The following ADNP2 variants were observed in gnomAD, a reference collection of about 807,000 sequenced individuals.
ADNP2 encodes activity-dependent neuroprotector homeobox protein 2.
In ADNP2, 8 loss-of-function variants were observed where a neutral mutation model predicts 16.4. The observed-to-expected ratio is 0.49, with a 90% CI of 0.29 to 0.88. The LOEUF (loss-of-function observed/expected upper bound fraction) is 0.88. Ranked by LOEUF, ADNP2 falls within the 40% of genes least tolerant of loss-of-function variation. The pLI, the probability that ADNP2 is intolerant of heterozygous loss-of-function variation, is 0.09. For missense variants in ADNP2, 1,397 were observed against 1,395.1 expected, an observed-to-expected ratio of 1.00 and a Z score of -0.02; for synonymous variants, 637 against 545.8, an observed-to-expected ratio of 1.17 and a Z score of -2.33.
intron 1 of ADNP2, among the ~76,000 whole-genome samples, chr18:80,117,280 C>T (rs747107836): frequency 5.3e-5 from 8 of 151,954 alleles, no homozygotes; most frequent in Non-Finnish European, 1.0e-4. Context: ...TTTATGCTTA[C>T]GTTTTCTTAT....
At position 80,137,709 on chromosome 18, in the gene ADNP2, C is replaced by A. The variant is rs1412336768; in HGVS notation, c.2296C>A (p.Leu766Met). 1 of 1,614,202 alleles carries A rather than the reference C, an allele frequency of 6.2e-7. No individual in the cohort carries two copies. Among genetic ancestry groups the A allele is most frequent in the Non-Finnish European group, 8.5e-7 (1 of 1,180,036 alleles). Residue 766 changes from leucine to methionine, a missense_variant, in exon 4 of 4, where the codon CTG becomes ATG. Physicochemically the swap from Leu to Met is conservative, Grantham distance 15. Transcript: ENST00000262198. The surrounding 1 kb of genome is among the most constrained non-coding windows in gnomAD (Gnocchi z 4.2). ...TGAGGAAGAGCTTATACACCACTTG[C>A]TGATGCATGGCTTGGGGTGCTTGTT... The part of the protein sequence containing the change: ...VSEEELIHHL[L>M]MHGLGCLFCP...
At chr18:80,133,359 C>G (rs1369961514) in intron 3 of ADNP2, among the ~76,000 whole-genome samples, 167 bp downstream of exon 3, 1 of 152,162 alleles carries the variant, frequency 6.6e-6, no homozygotes, top group African/African-American at 2.4e-5. Flanking sequence ...AGTGTGTGGT[C>G]AGGCAGGGTT....
intron 1 of ADNP2, among the ~76,000 whole-genome samples, chr18:80,112,486 G>A (rs750581039): frequency 6.6e-6 from 1 of 151,868 alleles, no homozygotes; most frequent in Non-Finnish European, 1.5e-5. Flanking sequence ...AAATGAAAAG[G>A]TATTTGTGTG....
chr18:80,127,030 G>A (rs2052463657), intron 2 of ADNP2, among the ~76,000 whole-genome samples: 1 of 152,210 alleles, frequency 6.6e-6, no homozygotes, highest in African/African-American at 2.4e-5. Context: ...CAGGATGTAA[G>A]ATACTTTGAG....
At position 80,136,125 on chromosome 18, in the gene ADNP2, G is replaced by C; in HGVS notation, c.712G>C (p.Asp238His). ...GTTAATGTATCACATTTTGACATCA[G>C]ACATACACAGAGATTTGGAGAATAA... ...DALMYHILTS[D>H]IHRDLENKLR... is the part of the protein sequence containing the mutation. Residue 238 changes from aspartate to histidine, a missense_variant, in exon 4 of 4, where the codon GAC becomes CAC. This residue lies in a region of ADNP2 where 777 missense variants were observed against 719.4 expected (regional missense o/e 1.08). Transcript: ENST00000262198. 1 of 1,614,202 alleles carries C rather than the reference G, an allele frequency of 6.2e-7. No homozygotes were observed. Among genetic ancestry groups the C allele is most frequent in the Middle Eastern group, 1.6e-4 (1 of 6,062 alleles).
chr18:80,136,999 C>T lies in ADNP2; in HGVS notation c.1586C>T (p.Ser529Leu), dbSNP rs1440401355. Residue 529 changes from serine to leucine, a missense_variant, in exon 4 of 4, where the codon TCA (serine) becomes TTA (leucine). Ser to Leu is a moderately radical substitution (Grantham distance 145, BLOSUM62 -2). Transcript: ENST00000262198. ...LLSPNQTVSSSAVVPVNQGVN... is the reference protein window; with the variant it reads ...LLSPNQTVSSLAVVPVNQGVN... Reference sequence around the variant, plus strand: ...TCTCCCAACCAGACAGTCTCCTCCTCAGCTGTTGTGCCTGTAAACCAGGGT... The same window carrying T: ...TCTCCCAACCAGACAGTCTCCTCCTTAGCTGTTGTGCCTGTAAACCAGGGT... 1 of 1,614,178 alleles carries T rather than the reference C, an allele frequency of 6.2e-7. No homozygotes were observed. The highest frequency in any genetic ancestry group is 1.1e-5 in the South Asian group (1 of 91,084).
At chr18:80,121,289 A>G (rs561519967) in intron 2 of ADNP2, among the ~76,000 whole-genome samples, 1 of 152,228 alleles carries the variant, frequency 6.6e-6, no homozygotes, top group Admixed American at 6.5e-5. Context: ...ATTTCCGTAG[A>G]CAAATGAGTT....
chr18:80,135,765 A>T lies in ADNP2; in HGVS notation c.352A>T (p.Lys118Ter). ...CPNCVFASQP[K>*]VVGRHFRMFH... Reference sequence around the variant, plus strand: ...AAACTGTGTATTTGCATCTCAGCCCAAAGTTGTGGGAAGGCACTTCAGAAT... The same window carrying T: ...AAACTGTGTATTTGCATCTCAGCCCTAAGTTGTGGGAAGGCACTTCAGAAT... The change falls in exon 4 of 4, where the codon AAA becomes TAA. Residue 118 changes from lysine (K) to a stop codon, truncating the protein, a stop_gained. Coordinates refer to ENST00000262198, the MANE Select transcript of ADNP2 (RefSeq NM_014913.4). LOFTEE classifies it low-confidence loss of function (END_TRUNC). 1 of 1,614,214 alleles carries T rather than the reference A, an allele frequency of 6.2e-7. No homozygotes were observed. Among genetic ancestry groups the T allele is most frequent in the Non-Finnish European group, 8.5e-7 (1 of 1,180,032 alleles).
intron 2 of ADNP2, among the ~76,000 whole-genome samples, chr18:80,128,718 G>T (rs1246666669): frequency 6.6e-6 from 1 of 152,082 alleles, no homozygotes; most frequent in Admixed American, 6.6e-5. Flanking sequence ...TGTTAGTTCT[G>T]AATTGACTTG....
At chr18:80,131,295 T>C (rs938895245) in intron 2 of ADNP2, among the ~76,000 whole-genome samples, 11 of 152,322 alleles carry the variant, frequency 7.2e-5, no homozygotes, top group African/African-American at 2.6e-4. Context: ...TACTGCCTCT[T>C]TCAGCTGATT....
Position 80,136,616 on chromosome 18 carries a change from AC to A in ADNP2, c.1207del (p.Leu403SerfsTer8). On this transcript the variant is annotated frameshift_variant, in exon 4 of 4. Transcript: ENST00000262198. LOFTEE classifies it low-confidence loss of function (END_TRUNC). The stretch of plus-strand genomic sequence containing the variant: ...ATCAGACTGTTCGCCCTGGGGTTTT[AC>A]CCCTCACCCAGCCTGTGGGACCCAT... The part of the protein sequence containing the change: ...INQTVRPGVL[P>X]LTQPVGPINR... 1 of 1,613,704 alleles carries A rather than the reference AC, an allele frequency of 6.2e-7. No individual in the cohort carries two copies. Among genetic ancestry groups the A allele is most frequent in the Non-Finnish European group, 8.5e-7 (1 of 1,179,936 alleles).
chr18:80,138,383 G>A lies in ADNP2; in HGVS notation c.2970G>A (p.Gln990=), dbSNP rs2052557569. 1 of 1,614,094 alleles carries A rather than the reference G, an allele frequency of 6.2e-7. No homozygotes were observed. The highest frequency in any genetic ancestry group is 1.1e-5 in the South Asian group (1 of 91,090). Residue 990 remains glutamine (Q), a synonymous_variant, in exon 4 of 4, where the codon CAG becomes CAA. Coordinates refer to ENST00000262198, the MANE Select transcript of ADNP2 (RefSeq NM_014913.4). ...ACGGCCACTTAGGGGCCGAAGACCA[G>A]CGGCATGGGGAGGAGCAGCCTCCCA... The part of the protein sequence containing the change: ...LPDGHLGAED[Q]RHGEEQPPIL...
intron 1 of ADNP2, among the ~76,000 whole-genome samples, chr18:80,113,378 A>G (rs966933754): frequency 6.6e-6 from 1 of 151,946 alleles, no homozygotes. Flanking sequence ...CCCACCAAAA[A>G]TTTCTCCCTA....
intron 1 of ADNP2, among the ~76,000 whole-genome samples, chr18:80,111,255 T>G (rs2052355033): frequency 6.6e-6 from 1 of 152,188 alleles, no homozygotes; most frequent in Admixed American, 6.5e-5. Context: ...TTTCATTTAG[T>G]TTTTTGGAGT....
chr18:80,135,281 G>A (rs775204656), intron 3 of ADNP2, among the ~76,000 whole-genome samples: 1 of 152,214 alleles, frequency 6.6e-6, no homozygotes, highest in Non-Finnish European at 1.5e-5. Context: ...ATACTATTTT[G>A]TGACATGTGG....
chr18:80,114,086 A>C (rs1472576601), intron 1 of ADNP2, among the ~76,000 whole-genome samples: 1 of 151,738 alleles, frequency 6.6e-6, no homozygotes, highest in East Asian at 1.9e-4. Flanking sequence ...CAAGCTACTC[A>C]TGAGGTTGAG....
At chr18:80,123,955 C>T (rs1467444168) in intron 2 of ADNP2, among the ~76,000 whole-genome samples, 4 of 152,082 alleles carry the variant, frequency 2.6e-5, no homozygotes, top group Non-Finnish European at 4.4e-5. Context: ...GTCTCAGACT[C>T]CTGACCTCAA....
chr18:80,112,517 G>C (rs191427221), intron 1 of ADNP2, among the ~76,000 whole-genome samples: 1 of 151,620 alleles, frequency 6.6e-6, no homozygotes, highest in Admixed American at 6.6e-5. Context: ...GTTTTGTTTA[G>C]AAGGGCCACA....
chr18:80,133,266 A>G, intron 3 of ADNP2, 74 bp downstream of exon 3: 1 of 1,196,826 alleles, frequency 8.4e-7, no homozygotes, highest in Non-Finnish European at 1.2e-6. Context: ...TCTAAAGAAC[A>G]TCACATGTAT....
Sources: allele counts gnomAD v4.1 joint callset (sites outside exome capture counted in the v4.1 genomes callset), GRCh38; gene constraint gnomAD v4.1.1; regional missense constraint gnomAD v4.1.1; non-coding constraint Gnocchi (gnomAD v3.1); transcripts MANE v1.5; gene names NCBI Gene and HGNC (gene_info 2026-07-23, HGNC 2026-07-21).